Variants in BTG3 observed in about 807,000 individuals in gnomAD.
The protein encoded by BTG3 is protein BTG3.
In BTG3, 4 loss-of-function variants were observed where a neutral mutation model predicts 25.8. That is an observed-to-expected ratio of 0.16 (90% confidence interval 0.08 to 0.36). The LOEUF is 0.36. BTG3 is among the 10% of genes least tolerant of loss of function. The pLI, the probability that BTG3 is intolerant of heterozygous loss-of-function variation, is 1.00. For synonymous variants in BTG3, 107 were observed against 99.9 expected, an observed-to-expected ratio of 1.07 and a Z score of -0.42; for missense variants, 201 against 304.9, an observed-to-expected ratio of 0.66 and a Z score of 2.54.
intron 2 of BTG3, among the ~76,000 whole-genome samples, chr21:17,607,349 C>T (rs1362635316): frequency 6.6e-6 from 1 of 151,818 alleles, no homozygotes; most frequent in Non-Finnish European, 1.5e-5. Context: ...ACAGTTCTAA[C>T]TTAACGAAAG....
intron 1 of BTG3, chr21:17,611,946 G>A (rs2123490690): frequency 6.6e-6 from 1 of 152,374 alleles, no homozygotes; most frequent in Non-Finnish European, 1.5e-5. Flanking sequence ...AGACTGGCCC[G>A]TGGGGTGAGG....
At position 17,609,001 on chromosome 21, in the gene BTG3, T is replaced by A; in HGVS notation, c.144A>T (p.Pro48=). ...AGGCCTGTCCTTTCGATGGTTTTTCTGGATACCAGTGATTTTTATATTTTT... is the reference window on the plus strand; with the variant it reads ...AGGCCTGTCCTTTCGATGGTTTTTCAGGATACCAGTGATTTTTATATTTTT... ...LQEKYKNHWY[P]EKPSKGQAYR... The change falls in exon 2 of 5, where the codon CCA becomes CCT. Residue 48 remains proline (P), a synonymous_variant. Transcript: ENST00000348354. 6.2e-7 allele frequency: 1 copy of A among 1,613,670 alleles called. No individual in the cohort carries two copies. The highest frequency in any genetic ancestry group is 8.5e-7 in the Non-Finnish European group (1 of 1,179,944).
chr21:17,606,636 G>C (rs553123293), intron 2 of BTG3, among the ~76,000 whole-genome samples: 1 of 152,088 alleles, frequency 6.6e-6, no homozygotes, highest in Non-Finnish European at 1.5e-5. Flanking sequence ...TGCTTAAACA[G>C]AGACTATGCT....
chr21:17,606,672 GT>G (rs1162533547), intron 2 of BTG3, among the ~76,000 whole-genome samples: 1 of 151,896 alleles, frequency 6.6e-6, no homozygotes, highest in African/African-American at 2.4e-5. Flanking sequence ...TACCTTACAT[GT>G]TTTGTACTAT....
chr21:17,596,880 T>C (rs765256277), intron 4 of BTG3, among the ~76,000 whole-genome samples: 3 of 152,084 alleles, frequency 2.0e-5, no homozygotes, highest in Admixed American at 6.6e-5. Flanking sequence ...TAATTCTTTA[T>C]CCCCTCTCTT....
intron 4 of BTG3, among the ~76,000 whole-genome samples, chr21:17,595,732 A>G (rs966897842): frequency 2.0e-5 from 3 of 152,050 alleles, no homozygotes; most frequent in African/African-American, 7.2e-5. Context: ...GCTGCAATGA[A>G]TAACAGCACA....
intron 3 of BTG3, among the ~76,000 whole-genome samples, chr21:17,600,478 A>AATAATT (rs2061558110): frequency 6.6e-6 from 1 of 152,182 alleles, no homozygotes; most frequent in Non-Finnish European, 1.5e-5. Context: ...CTGAATCAGA[A>AATAATT]TGGTTATCTA....
Position 17,594,017 on chromosome 21 carries a change from A to C in BTG3, c.*76T>G. 2 of 1,506,670 alleles carry C rather than the reference A, an allele frequency of 1.3e-6. No homozygotes were observed. The highest frequency in any genetic ancestry group is 1.8e-6 in the Non-Finnish European group (2 of 1,123,566). 93.3% of individuals were successfully genotyped at this position (1,506,670 alleles called of 1,614,324 possible). A position where few individuals can be genotyped will look rare whatever the true frequency, so the allele number is the denominator to read the frequency against. The stretch of plus-strand genomic sequence containing the variant: ...TCTAACTTCACTACTATTAGTAAGA[A>C]CTTTTAACTTTTAATGTGTAGTAAG... On this transcript the variant is annotated 3_prime_UTR_variant, in exon 5 of 5. Coordinates refer to ENST00000348354, the MANE Select transcript of BTG3 (RefSeq NM_006806.5).
chr21:17,608,105 G>A lies in BTG3; in HGVS notation c.173+867C>T, dbSNP rs3792565. On this transcript the variant is annotated intron_variant, in intron 2 of 4. Coordinates refer to ENST00000348354, the MANE Select transcript of BTG3 (RefSeq NM_006806.5). ...ACCTTGGCCAGGCATGGTGGCTCAC[G>A]CCTGTAATCCTCACATTCTGGGAGG... Among the ~76,000 whole-genome samples, 967 of 152,256 alleles carry A rather than the reference G, an allele frequency of 6.4e-3. 59 individuals are homozygous for A. The East Asian group carries it at 0.13, about 21-fold the overall frequency.
At chr21:17,600,097 T>G (rs1361489794) in intron 3 of BTG3, among the ~76,000 whole-genome samples, 1 of 152,162 alleles carries the variant, frequency 6.6e-6, no homozygotes, top group Non-Finnish European at 1.5e-5. Context: ...GATTTTTGAT[T>G]TTTTTTAAGT....
intron 2 of BTG3, among the ~76,000 whole-genome samples, chr21:17,605,411 G>C (rs1054328947): frequency 6.6e-6 from 1 of 152,000 alleles, no homozygotes; most frequent in African/African-American, 2.4e-5. Context: ...AAATGCTTAC[G>C]ACAAATTCTG....
intron 2 of BTG3, 57 bp from the exon 3 acceptor site, chr21:17,605,054 T>C (rs1569184929): frequency 6.4e-7 from 1 of 1,570,402 alleles, no homozygotes; most frequent in Non-Finnish European, 8.7e-7. Context: ...ATAAACGCCG[T>C]AATATCTATT....
At chr21:17,597,636 TACATATACATAC>T (rs1339822039) in intron 4 of BTG3, among the ~76,000 whole-genome samples, 3 of 151,972 alleles carry the variant, frequency 2.0e-5, no homozygotes, top group Non-Finnish European at 4.4e-5. Context: ...TATATACATA[TACATATACATAC>T]ACATATACAT....
chr21:17,600,536 T>C (rs2061558675), intron 3 of BTG3, among the ~76,000 whole-genome samples: 1 of 152,148 alleles, frequency 6.6e-6, no homozygotes, highest in Middle Eastern at 3.2e-3. Context: ...AAAATGTACA[T>C]GAGGCTGGGT....
intron 1 of BTG3, 127 bp from the exon 2 acceptor site, chr21:17,609,279 G>T: frequency 1.1e-6 from 1 of 900,050 alleles, no homozygotes; most frequent in South Asian, 1.9e-5. Flanking sequence ...TATTTCTTTG[G>T]CTTATATCTG....
In BTG3 at chr21:17,593,944, G is replaced by C; in HGVS notation, c.*149C>G. The C allele has an allele frequency of 2.0e-6, 2 of 1,000,738 alleles. No homozygotes were observed. The highest frequency in any genetic ancestry group is 4.0e-5 in the South Asian group (2 of 49,684). 62.0% of individuals were successfully genotyped at this position (1,000,738 alleles called of 1,614,324 possible). ...TAAAGTGCATATATTTTTTAAGAAA[G>C]ATTATTCTCAATAACTTCTATAAAA... On this transcript the variant is annotated 3_prime_UTR_variant, in exon 5 of 5. Transcript: ENST00000348354.
chr21:17,602,992 C>T (rs1232777808), intron 3 of BTG3, among the ~76,000 whole-genome samples: 2 of 152,066 alleles, frequency 1.3e-5, no homozygotes, highest in Non-Finnish European at 2.9e-5. Flanking sequence ...TTAGCTTTTT[C>T]ATTTTTGCCT....
intron 3 of BTG3, among the ~76,000 whole-genome samples, chr21:17,600,817 T>C (rs1394310890): frequency 1.3e-5 from 2 of 152,104 alleles, no homozygotes; most frequent in Non-Finnish European, 2.9e-5. Context: ...AAATACTACT[T>C]AAATATAGTA....
intron 3 of BTG3, among the ~76,000 whole-genome samples, chr21:17,600,101 T>C (rs2061553724): frequency 6.6e-6 from 1 of 152,212 alleles, no homozygotes; most frequent in South Asian, 2.1e-4. Context: ...TTTGATTTTT[T>C]TTAAGTTGTC....
Sources: gnomAD v4.1 joint callset for allele counts (sites outside exome capture counted in the v4.1 genomes callset) on GRCh38, gnomAD v4.1.1 for gene constraint, MANE v1.5 for transcripts, NCBI Gene and HGNC (gene_info 2026-07-23, HGNC 2026-07-21) for gene names.